The following MAGI3 variants were observed in gnomAD, a reference collection of about 807,000 sequenced individuals.
MAGI3 encodes the protein membrane-associated guanylate kinase, WW and PDZ domain-containing protein 3.
In MAGI3, 43 loss-of-function variants were observed where a neutral mutation model predicts 121.8. The ratio of observed to expected loss-of-function variants is 0.35; its 90% CI spans 0.28 to 0.46. The LOEUF is 0.46. Among genes scored for constraint, MAGI3 ranks in the 20% least tolerant of loss-of-function variants. The pLI is 1.00. For missense variants in MAGI3, 1,547 were observed against 1,797.3 expected (o/e 0.86, Z 2.52); for synonymous variants, 553 against 639.3 (o/e 0.86, Z 2.04).
chr1:113,539,262 G>A (rs188956294), intron 1 of MAGI3, among the ~76,000 whole-genome samples: 20 of 151,900 alleles, frequency 1.3e-4, no homozygotes, highest in Admixed American at 1.1e-3. Flanking sequence ...GCGTGGTGGT[G>A]TGCGTCTGTA....
At chr1:113,407,034 T>G (rs1651719200) in intron 1 of MAGI3, among the ~76,000 whole-genome samples, 1 of 152,110 alleles carries the variant, frequency 6.6e-6, no homozygotes, top group African/African-American at 2.4e-5. Flanking sequence ...ACCAACTAAA[T>G]GAGGGGTGAA....
At chr1:113,443,870 C>G (rs1220305932) in intron 1 of MAGI3, among the ~76,000 whole-genome samples, 2 of 152,098 alleles carry the variant, frequency 1.3e-5, no homozygotes, top group Non-Finnish European at 2.9e-5. Flanking sequence ...GTAAAATTTA[C>G]CCTTTTATAG....
intron 2 of MAGI3, among the ~76,000 whole-genome samples, chr1:113,550,969 A>G (rs1014027776): frequency 3.6e-5 from 4 of 110,394 alleles, no homozygotes; most frequent in African/African-American, 5.2e-5. Flanking sequence ...GAAAAAAAAA[A>G]AAGAAGAAGA....
At chr1:113,560,004 T>C (rs112365688) in intron 2 of MAGI3, among the ~76,000 whole-genome samples, 10,542 of 152,204 alleles carry the variant, frequency 0.069, 411 homozygotes, top group African/African-American at 0.083. Flanking sequence ...AGGACCTGAA[T>C]TCAGCTCTGG....
At chr1:113,637,616 C>T (rs1234858980) in intron 9 of MAGI3, among the ~76,000 whole-genome samples, 1 of 152,192 alleles carries the variant, frequency 6.6e-6, no homozygotes, top group African/African-American at 2.4e-5. Context: ...GTCTGATGGG[C>T]TTCCCTTTGT....
At chr1:113,610,577 A>G (rs969292912) in intron 6 of MAGI3, among the ~76,000 whole-genome samples, 3 of 152,116 alleles carry the variant, frequency 2.0e-5, no homozygotes, top group Non-Finnish European at 4.4e-5. Context: ...TCCTGCCTTC[A>G]ACAGATATGA....
intron 1 of MAGI3, among the ~76,000 whole-genome samples, chr1:113,435,024 A>C (rs1046096131): frequency 6.6e-6 from 1 of 152,172 alleles, no homozygotes; most frequent in Non-Finnish European, 1.5e-5. Flanking sequence ...TTGTTATGCA[A>C]TATGTATGTT....
chr1:113,681,378 AGGGAGGGG>A, intron 20 of MAGI3, 42 bp downstream of exon 20: 1 of 1,595,214 alleles, frequency 6.3e-7, no homozygotes, highest in Admixed American at 1.8e-5. Context: ...GTTGTATATT[AGGGAGGGG>A]ACAGAAGAAA....
intron 3 of MAGI3, among the ~76,000 whole-genome samples, chr1:113,582,636 C>T (rs1052436008): frequency 9.2e-5 from 14 of 151,754 alleles, no homozygotes; most frequent in African/African-American, 1.9e-4. Flanking sequence ...ATAGTATTTA[C>T]ATGTTATAGA....
chr1:113,684,155 A>G lies in MAGI3; in HGVS notation c.*141A>G. ...GTGAGCCTCAAGTTACCTAGGCTGC[A>G]TGAAGGGCCTTTAGGATTGCTAAGA... On this transcript the variant is annotated 3_prime_UTR_variant, in exon 21 of 21. Coordinates refer to ENST00000307546, the MANE Select transcript of MAGI3 (RefSeq NM_001142782.2). 1.1e-6 allele frequency: 1 copy of G among 941,390 alleles called. No individual in the cohort carries two copies. 58.3% of individuals were successfully genotyped at this position (941,390 alleles called of 1,614,324 possible). A position where few individuals can be genotyped will look rare whatever the true frequency, so the allele number is the denominator to read the frequency against.
intron 1 of MAGI3, among the ~76,000 whole-genome samples, chr1:113,421,177 T>C (rs1009657627): frequency 3.9e-5 from 6 of 152,172 alleles, no homozygotes; most frequent in Admixed American, 3.9e-4. Context: ...TAAGTATGAC[T>C]TACTAATGAT....
At chr1:113,512,450 G>T (rs1236973923) in intron 1 of MAGI3, among the ~76,000 whole-genome samples, 1 of 152,174 alleles carries the variant, frequency 6.6e-6, no homozygotes, top group Non-Finnish European at 1.5e-5. Flanking sequence ...AGATCTTTGT[G>T]TTCTTTTTAT....
chr1:113,556,041 A>G (rs892326541), intron 2 of MAGI3, among the ~76,000 whole-genome samples: 2 of 152,212 alleles, frequency 1.3e-5, no homozygotes, highest in Non-Finnish European at 2.9e-5. Flanking sequence ...ATCAAACACA[A>G]TATATGAAAA....
At chr1:113,637,281 G>A (rs146441240) in intron 9 of MAGI3, among the ~76,000 whole-genome samples, 19,303 of 152,094 alleles carry the variant, frequency 0.13, 1,304 homozygotes, top group East Asian at 0.19. Context: ...TATGATGTTC[G>A]CTGGTTATTT....
At chr1:113,599,413 A>C (rs1011078141) in intron 6 of MAGI3, among the ~76,000 whole-genome samples, 19 of 152,286 alleles carry the variant, frequency 1.2e-4, no homozygotes, top group South Asian at 2.1e-4. Flanking sequence ...CACAGAAATA[A>C]AAACTACTAT....
chr1:113,441,675 T>C (rs1653921296), intron 1 of MAGI3, among the ~76,000 whole-genome samples: 1 of 152,168 alleles, frequency 6.6e-6, no homozygotes, highest in Admixed American at 6.5e-5. Context: ...ATTCTGTACC[T>C]TGATAGGATG....
chr1:113,557,034 A>G (rs142160122), intron 2 of MAGI3, among the ~76,000 whole-genome samples: 3 of 152,340 alleles, frequency 2.0e-5, no homozygotes, highest in Non-Finnish European at 4.4e-5. Context: ...TAACTTTCCT[A>G]TAAAGAAAAC....
chr1:113,413,947 G>C (rs927350976), intron 1 of MAGI3, among the ~76,000 whole-genome samples: 3 of 152,114 alleles, frequency 2.0e-5, no homozygotes, highest in African/African-American at 7.2e-5. Flanking sequence ...GGGCATCCCT[G>C]TCTTGTGCTG....
chr1:113,489,279 G>A (rs1656561200), intron 1 of MAGI3, among the ~76,000 whole-genome samples: 1 of 151,618 alleles, frequency 6.6e-6, no homozygotes, highest in Non-Finnish European at 1.5e-5. Context: ...TGAGAGCTGA[G>A]CAGTGGCCCT....
Sources: gnomAD v4.1 joint callset for allele counts (sites outside exome capture counted in the v4.1 genomes callset) on GRCh38, gnomAD v4.1.1 for gene constraint, MANE v1.5 for transcripts, NCBI Gene and HGNC (gene_info 2026-07-23, HGNC 2026-07-21) for gene names.